Variants in CCSER1 observed in about 807,000 individuals in gnomAD.
CCSER1 encodes serine-rich coiled-coil domain-containing protein 1.
Under a neutral mutation model 82.0 loss-of-function variants are expected in CCSER1, and 41 were observed. The ratio of observed to expected loss-of-function variants is 0.50; its 90% confidence interval spans 0.39 to 0.65. CCSER1 has a LOEUF of 0.65. Among genes scored for constraint, CCSER1 ranks in the 30% least tolerant of loss-of-function variants. The pLI is 0.00. For missense variants in CCSER1, 1,119 were observed against 1,064.2 expected (o/e 1.05, Z -0.72); for synonymous variants, 414 against 383.9 (o/e 1.08, Z -0.92).
intron 10 of CCSER1, among the ~76,000 whole-genome samples, chr4:91,547,580 TG>T (rs946610637): frequency 6.6e-6 from 1 of 152,192 alleles, no homozygotes; most frequent in African/African-American, 2.4e-5. Flanking sequence ...ATATTTAAAA[TG>T]GGTTCTTACA....
chr4:90,801,409 T>C (rs1185682464), intron 7 of CCSER1, among the ~76,000 whole-genome samples: 1 of 152,152 alleles, frequency 6.6e-6, no homozygotes, highest in African/African-American at 2.4e-5. Flanking sequence ...ATAAAGCCTC[T>C]GTACAAATGT....
rs1215491601 is a variant in CCSER1, at chr4:91,601,093, T to TC, written c.*2039dup. ...CATGATAAAATAATCAAGGATTTTTTCCCAGGATATGGAAGAACTATGTAT... is the reference window on the plus strand; with the variant it reads ...CATGATAAAATAATCAAGGATTTTTTCCCCAGGATATGGAAGAACTATGTAT... On this transcript the variant is annotated 3_prime_UTR_variant, in exon 11 of 11. Coordinates refer to ENST00000509176, the MANE Select transcript of CCSER1 (RefSeq NM_001145065.2). 6.6e-6 allele frequency: 1 copy of TC among 152,124 alleles called. No homozygotes were observed. The highest frequency in any genetic ancestry group is 1.5e-5 in the Non-Finnish European group (1 of 67,996). 9.4% of individuals were successfully genotyped at this position (152,124 alleles called of 1,614,324 possible).
At chr4:90,879,552 AGAG>A in intron 8 of CCSER1, among the ~76,000 whole-genome samples, 2 of 4,550 alleles carry the variant, frequency 4.4e-4, no homozygotes, top group South Asian at 0.022. Context: ...AAGAAGAAGA[AGAG>A]GAAGAAGAAG....
intron 10 of CCSER1, among the ~76,000 whole-genome samples, chr4:91,594,652 T>A (rs999307477): frequency 6.6e-6 from 1 of 151,904 alleles, no homozygotes; most frequent in Non-Finnish European, 1.5e-5. Context: ...CCTAGAATTT[T>A]AGAATTGGAA....
At chr4:90,473,102 T>C (rs974093502) in intron 5 of CCSER1, among the ~76,000 whole-genome samples, 8 of 152,182 alleles carry the variant, frequency 5.3e-5, no homozygotes, top group Non-Finnish European at 1.2e-4. Flanking sequence ...AACTCTACAT[T>C]TCTCAAGTCA....
At chr4:90,954,230 T>C (rs1438460459) in intron 9 of CCSER1, among the ~76,000 whole-genome samples, 1 of 152,008 alleles carries the variant, frequency 6.6e-6, no homozygotes, top group African/African-American at 2.4e-5. Flanking sequence ...ATTTGCAGAA[T>C]AAAGTAGAAA....
chr4:91,173,858 A>G (rs1733030234), intron 10 of CCSER1, among the ~76,000 whole-genome samples: 1 of 152,204 alleles, frequency 6.6e-6, no homozygotes, highest in Non-Finnish European at 1.5e-5. Context: ...TATATTCACT[A>G]TTCTCCAACA....
intron 10 of CCSER1, among the ~76,000 whole-genome samples, chr4:91,162,507 A>G (rs1320820079): frequency 6.6e-6 from 1 of 152,176 alleles, no homozygotes; most frequent in African/African-American, 2.4e-5. Context: ...AAGGAATGGT[A>G]CCAGCTCCTC....
At chr4:90,872,696 A>G (rs1435020389) in intron 8 of CCSER1, among the ~76,000 whole-genome samples, 1 of 151,958 alleles carries the variant, frequency 6.6e-6, no homozygotes, top group African/African-American at 2.4e-5. Context: ...CTGTCAACTT[A>G]CTATTACCGG....
At chr4:90,531,260 A>G (rs903361937) in intron 5 of CCSER1, among the ~76,000 whole-genome samples, 1 of 152,098 alleles carries the variant, frequency 6.6e-6, no homozygotes, top group African/African-American at 2.4e-5. Context: ...CCCTGTATAA[A>G]CACATTGATT....
chr4:91,447,759 G>A (rs1035759747), intron 10 of CCSER1, among the ~76,000 whole-genome samples: 1 of 152,022 alleles, frequency 6.6e-6, no homozygotes, highest in Admixed American at 6.6e-5. Context: ...AGATTGCACT[G>A]GCCCAAGACA....
intron 10 of CCSER1, among the ~76,000 whole-genome samples, chr4:91,420,374 G>A (rs1055342615): frequency 6.6e-6 from 1 of 152,068 alleles, no homozygotes; most frequent in Non-Finnish European, 1.5e-5. Flanking sequence ...TTAAAAATGG[G>A]CAAAGGACCT....
At chr4:90,998,347 C>T (rs1384242030) in intron 9 of CCSER1, among the ~76,000 whole-genome samples, 12 of 151,988 alleles carry the variant, frequency 7.9e-5, no homozygotes, top group East Asian at 1.9e-4. Context: ...CCCAAAGAGC[C>T]GGGATTACAG....
rs535663033 is a variant in CCSER1, at chr4:91,115,944, G to C, written c.2217+29950G>C. Among the ~76,000 whole-genome samples, 6 of 148,480 alleles carry C rather than the reference G, an allele frequency of 4.0e-5. No individual in the cohort carries two copies. The South Asian group carries it at 1.3e-3, about 32-fold the overall frequency. ...ATATGTATACATGTGCCATCTTGGTGTGCTGCAGCCATTAACTTGTCATTT... is the reference window on the plus strand; with the variant it reads ...ATATGTATACATGTGCCATCTTGGTCTGCTGCAGCCATTAACTTGTCATTT... On this transcript the variant is annotated intron_variant, in intron 10 of 10. Coordinates refer to ENST00000509176, the MANE Select transcript of CCSER1 (RefSeq NM_001145065.2).
rs796997966 is a variant in CCSER1 at position 91,466,277 on chromosome 4, G to A, written c.2218-132295G>A. ...CCACATAATTATCTCAATAGATGAA[G>A]AAAAGGCCTTTGACAAAATTCAACA... On this transcript the variant is annotated intron_variant, in intron 10 of 10. Transcript: ENST00000509176. 4.6e-5 allele frequency among the ~76,000 whole-genome samples: 7 copies of A among 152,224 alleles called. 1 individual carries two copies. The East Asian group carries it at 1.4e-3, about 29-fold the overall frequency.
chr4:90,249,599 T>G (rs920105308), intron 1 of CCSER1, among the ~76,000 whole-genome samples: 1 of 152,166 alleles, frequency 6.6e-6, no homozygotes, highest in Non-Finnish European at 1.5e-5. Context: ...CAATATGTGG[T>G]CTTTTGTGAC....
At chr4:90,436,059 T>G (rs1165674291) in intron 4 of CCSER1, among the ~76,000 whole-genome samples, 1 of 152,098 alleles carries the variant, frequency 6.6e-6, no homozygotes, top group African/African-American at 2.4e-5. Context: ...TATTATAAAT[T>G]ACTAGAAAAT....
intron 7 of CCSER1, among the ~76,000 whole-genome samples, chr4:90,730,696 T>G (rs1343548281): frequency 6.6e-6 from 1 of 152,166 alleles, no homozygotes; most frequent in Non-Finnish European, 1.5e-5. Context: ...AAGACCACTT[T>G]GATTATGGAA....
chr4:90,574,198 G>A (rs1780440278), intron 5 of CCSER1, among the ~76,000 whole-genome samples: 1 of 146,954 alleles, frequency 6.8e-6, no homozygotes, highest in South Asian at 2.1e-4. Flanking sequence ...TGTTTACATT[G>A]GCATTATAAA....
Sources: gnomAD v4.1 joint callset for allele counts (sites outside exome capture counted in the v4.1 genomes callset) on GRCh38, gnomAD v4.1.1 for gene constraint, MANE v1.5 for transcripts, NCBI Gene and HGNC (gene_info 2026-07-23, HGNC 2026-07-21) for gene names.